The following OR5K1 variants were observed in gnomAD, a reference collection of about 807,000 sequenced individuals.
OR5K1 encodes the protein olfactory receptor 5K1.
In OR5K1, 7 loss-of-function variants were observed where a neutral mutation model predicts 10.4. That is an observed-to-expected ratio of 0.67 (90% confidence interval 0.38 to 1.26). OR5K1 has a LOEUF of 1.26. Among genes scored for constraint, OR5K1 ranks in the 50% most tolerant of loss-of-function variants. The pLI, the probability that OR5K1 is intolerant of heterozygous loss-of-function variation, is 0.02. For missense variants in OR5K1, 435 were observed against 366.2 expected (o/e 1.19, Z -1.53); for synonymous variants, 135 against 128.5 (o/e 1.05, Z -0.34).
At chr3:98,467,399 A>T (rs1168200539) in intron 1 of OR5K1, among the ~76,000 whole-genome samples, 1 of 21,452 alleles carries the variant, frequency 4.7e-5, no homozygotes, top group Non-Finnish European at 7.9e-5. Context: ...TTTTGGTTCC[A>T]TATGAACTTT....
rs372023832 is a variant in OR5K1 at position 98,470,538 on chromosome 3, T to C, written c.*35T>C. The stretch of plus-strand genomic sequence containing the variant: ...AGATGGAAACAAGTGACATCTACTA[T>C]AGCTTAATGATTTAAATGCAGCAAA... On this transcript the variant is annotated 3_prime_UTR_variant, in exon 2 of 2. Transcript: ENST00000642057. 137 of 1,257,488 alleles carry C rather than the reference T, an allele frequency of 1.1e-4. No homozygotes were observed. The highest frequency in any genetic ancestry group is 1.4e-4 in the Non-Finnish European group (124 of 892,668). The allele number at this position is 1,257,488 out of a possible 1,614,324, so 77.9% of individuals were successfully genotyped here.
chr3:98,472,418 G>A lies in OR5K1; in HGVS notation c.*1915G>A, dbSNP rs1705460305. On this transcript the variant is annotated 3_prime_UTR_variant, in exon 2 of 2. Transcript: ENST00000642057. ...TTTTGAAGGTCCCTTTTGCACATAG[G>A]TCACCAAACCTCCCTGAGCAATTGT... is the stretch of plus-strand genomic sequence containing the variant. 6.6e-6 allele frequency: 1 copy of A among 151,700 alleles called. No homozygotes were observed. Among genetic ancestry groups the A allele is most frequent in the Non-Finnish European group, 1.5e-5 (1 of 67,914 alleles). 9.4% of individuals were successfully genotyped at this position (151,700 alleles called of 1,614,324 possible).
At chr3:98,466,846 G>T (rs1002669591) in intron 1 of OR5K1, among the ~76,000 whole-genome samples, 1 of 120,710 alleles carries the variant, frequency 8.3e-6, no homozygotes, top group Non-Finnish European at 1.6e-5. Context: ...CCATTTTGTA[G>T]GTTGCCTGTT....
At chr3:98,467,975 T>G (rs1332182313) in intron 1 of OR5K1, among the ~76,000 whole-genome samples, 1 of 152,070 alleles carries the variant, frequency 6.6e-6, no homozygotes, top group Non-Finnish European at 1.5e-5. Flanking sequence ...CCCTATCTTG[T>G]GCCAGTTTTC....
At position 98,470,538 on chromosome 3, in the gene OR5K1, T is replaced by G. The variant is rs372023832; in HGVS notation, c.*35T>G. 11 of 1,257,610 alleles carry G rather than the reference T, an allele frequency of 8.7e-6. No homozygotes were observed. Among genetic ancestry groups the G allele is most frequent in the Non-Finnish European group, 1.2e-5 (11 of 892,664 alleles). The allele number at this position is 1,257,610 out of a possible 1,614,324, so 77.9% of individuals were successfully genotyped here. ...AGATGGAAACAAGTGACATCTACTA[T>G]AGCTTAATGATTTAAATGCAGCAAA... On this transcript the variant is annotated 3_prime_UTR_variant, in exon 2 of 2. Transcript: ENST00000642057.
chr3:98,469,384 A>C (rs1705413153), intron 1 of OR5K1, 182 bp from the exon 2 acceptor site: 1 of 598,876 alleles, frequency 1.7e-6, no homozygotes, highest in African/African-American at 1.9e-5. Context: ...ATGTTTCATC[A>C]CTAGCCAAAG....
chr3:98,470,573 G>GTGA lies in OR5K1; in HGVS notation c.*71_*73dup, dbSNP rs1482084742. On this transcript the variant is annotated 3_prime_UTR_variant, in exon 2 of 2. Transcript: ENST00000642057. ...ATTTAAATGCAGCAAAAACTTCCAT[G>GTGA]TGAAATTACACAGGGGAAATGCATA... 1.1e-6 allele frequency: 1 copy of GTGA among 872,280 alleles called. No individual in the cohort carries two copies. Among genetic ancestry groups the GTGA allele is most frequent in the African/African-American group, 1.7e-5 (1 of 58,794 alleles). The allele number at this position is 872,280 out of a possible 1,614,324, so 54.0% of individuals were successfully genotyped here. A position where few individuals can be genotyped will look rare whatever the true frequency, so the allele number is the denominator to read the frequency against.
At position 98,469,753 on chromosome 3, in the gene OR5K1, G is replaced by A. The variant is rs1433796395; in HGVS notation, c.177G>A (p.Met59Ile). 1.2e-6 allele frequency: 2 copies of A among 1,613,766 alleles called. No homozygotes were observed. Among genetic ancestry groups the A allele is most frequent in the South Asian group, 2.2e-5 (2 of 91,078 alleles). ...IFTHRRLHTP[M>I]YIFLGNLALV... ...CACACCGTCGGCTTCACACACCAAT[G>A]TACATCTTTCTGGGAAATCTGGCTC... Residue 59 changes from methionine (M) to isoleucine (I), a missense_variant, in exon 2 of 2, where the codon ATG becomes ATA. Coordinates refer to ENST00000642057, the MANE Select transcript of OR5K1 (RefSeq NM_001004736.4).
intron 1 of OR5K1, among the ~76,000 whole-genome samples, chr3:98,466,955 TG>T: frequency 8.3e-6 from 1 of 120,596 alleles, no homozygotes; most frequent in East Asian, 2.6e-4. Flanking sequence ...TTTGGTGTTT[TG>T]GACATGAAGT....
rs757042238 is a variant in OR5K1 at position 98,469,771 on chromosome 3, T to C, written c.195T>C (p.Asn65=). 6 of 1,613,768 alleles carry C rather than the reference T, an allele frequency of 3.7e-6. No individual in the cohort carries two copies. In the South Asian group the frequency reaches 6.6e-5, roughly 18 times the overall value. The change falls in exon 2 of 2, where the codon AAT becomes AAC. Residue 65 remains asparagine (N), a synonymous_variant. Transcript: ENST00000642057. ...CACCAATGTACATCTTTCTGGGAAA[T>C]CTGGCTCTTGTGGATTCTTGCTGTG... ...LHTPMYIFLG[N]LALVDSCCAC... is the part of the protein sequence containing the mutation.
At chr3:98,464,521 A>G (rs945962011) in intron 1 of OR5K1, among the ~76,000 whole-genome samples, 3 of 152,220 alleles carry the variant, frequency 2.0e-5, no homozygotes, top group Non-Finnish European at 4.4e-5. Flanking sequence ...TATCAGTTCA[A>G]TTAATACATG....
intron 1 of OR5K1, among the ~76,000 whole-genome samples, chr3:98,468,424 C>G (rs750786605): frequency 1.3e-5 from 2 of 152,086 alleles, no homozygotes; most frequent in African/African-American, 4.8e-5. Context: ...GCCATCACCA[C>G]TACTCATCCA....
intron 1 of OR5K1, among the ~76,000 whole-genome samples, chr3:98,465,298 G>A (rs1705358800): frequency 6.6e-6 from 1 of 151,872 alleles, no homozygotes; most frequent in South Asian, 2.1e-4. Flanking sequence ...AATCTTCAAG[G>A]TAAACAGCAT....
At chr3:98,469,352 G>T (rs1705412890) in intron 1 of OR5K1, 1 of 567,790 alleles carries the variant, frequency 1.8e-6, no homozygotes, top group South Asian at 2.5e-5. Flanking sequence ...GTTTAAAAAT[G>T]ATTTTAAAAG....
chr3:98,472,363 T>G lies in OR5K1; in HGVS notation c.*1860T>G, dbSNP rs1305272950. ...CCGATGCTACACAATACCAGTACAA[T>G]GTAGGATTTTGAAAGCTTACATGGG... is the stretch of plus-strand genomic sequence containing the variant. On this transcript the variant is annotated 3_prime_UTR_variant, in exon 2 of 2. Coordinates refer to ENST00000642057, the MANE Select transcript of OR5K1 (RefSeq NM_001004736.4). 6.6e-6 allele frequency: 1 copy of G among 151,868 alleles called. No homozygotes were observed. Among genetic ancestry groups the G allele is most frequent in the Non-Finnish European group, 1.5e-5 (1 of 67,928 alleles). The allele number at this position is 151,868 out of a possible 1,614,324, so 9.4% of individuals were successfully genotyped here. A position where few individuals can be genotyped will look rare whatever the true frequency, so the allele number is the denominator to read the frequency against.
In OR5K1 at chr3:98,470,455, A is replaced by G; in HGVS notation, c.879A>G (p.Arg293=). The change falls in exon 2 of 2, where the codon AGA becomes AGG. Residue 293 remains arginine (R), a synonymous_variant. Coordinates refer to ENST00000642057, the MANE Select transcript of OR5K1 (RefSeq NM_001004736.4). The stretch of plus-strand genomic sequence containing the variant: ...TAAATCCTTTCATTTATAGCCTGAG[A>G]AATAGGGAAGTAATAAGTGTCTTAA... ...PLLNPFIYSL[R]NREVISVLRK... The G allele has an allele frequency of 6.3e-7, 1 of 1,591,126 alleles. No individual in the cohort carries two copies. The highest frequency in any genetic ancestry group is 8.6e-7 in the Non-Finnish European group (1 of 1,162,104).
intron 1 of OR5K1, among the ~76,000 whole-genome samples, chr3:98,468,317 T>C (rs984305914): frequency 2.0e-5 from 3 of 152,148 alleles, no homozygotes; most frequent in African/African-American, 7.2e-5. Context: ...TTTAAATTTT[T>C]TATTGTGATA....
rs1486771925 is a variant in OR5K1 at position 98,472,298 on chromosome 3, G to T, written c.*1795G>T. On this transcript the variant is annotated 3_prime_UTR_variant, in exon 2 of 2. Coordinates refer to ENST00000642057, the MANE Select transcript of OR5K1 (RefSeq NM_001004736.4). ...AGTAAATTCTCTTGACCTCTTCCCA[G>T]TGGGTCCAGGAAATGTTGAAATGCA... is the stretch of plus-strand genomic sequence containing the variant. The T allele has an allele frequency of 2.0e-5, 3 of 151,828 alleles. No individual in the cohort carries two copies. Among genetic ancestry groups the T allele is most frequent in the African/African-American group, 7.3e-5 (3 of 41,370 alleles). 9.4% of individuals were successfully genotyped at this position (151,828 alleles called of 1,614,324 possible). A position where few individuals can be genotyped will look rare whatever the true frequency, so the allele number is the denominator to read the frequency against.
chr3:98,469,218 T>C (rs1274648134), intron 1 of OR5K1, among the ~76,000 whole-genome samples: 1 of 151,928 alleles, frequency 6.6e-6, no homozygotes, highest in African/African-American at 2.4e-5. Context: ...CACTTATGAG[T>C]GAGAGCTAAA....
Sources: allele counts gnomAD v4.1 joint callset (sites outside exome capture counted in the v4.1 genomes callset), GRCh38; gene constraint gnomAD v4.1.1; transcripts MANE v1.5; gene names NCBI Gene and HGNC (gene_info 2026-07-23, HGNC 2026-07-21).